LIPA: variants seen among roughly 807,000 people sequenced by gnomAD.
LIPA encodes the protein lysosomal acid lipase/cholesteryl ester hydrolase.
LIPA carries 26 observed loss-of-function variants against 40.6 expected under a neutral mutation model. The ratio of observed to expected loss-of-function variants is 0.64; its 90% CI spans 0.47 to 0.89. LIPA has a LOEUF of 0.89. Among genes scored for constraint, LIPA ranks in the 40% least tolerant of loss-of-function variants. LIPA has a pLI of 0.00. For missense variants in LIPA, 455 were observed against 479.6 expected, an observed-to-expected ratio of 0.95 and a Z score of 0.48; for synonymous variants, 188 against 168.4, an observed-to-expected ratio of 1.12 and a Z score of -0.90.
At chr10:89,316,037 C>T (rs148461134) in intron 1 of LIPA, among the ~76,000 whole-genome samples, 104 of 152,122 alleles carry the variant, frequency 6.8e-4, no homozygotes, top group African/African-American at 2.1e-3. Flanking sequence ...TTCATATAAC[C>T]GGCTCCCAGA....
chr10:89,336,703 ATGGT>A (rs1843746108), intron 1 of LIPA, among the ~76,000 whole-genome samples: 1 of 152,210 alleles, frequency 6.6e-6, no homozygotes, highest in Non-Finnish European at 1.5e-5. Flanking sequence ...GTCAGAATAG[ATGGT>A]TGGTATCTTT....
chr10:89,216,867 AT>A (rs1374394074), intron 8 of LIPA, among the ~76,000 whole-genome samples: 1 of 152,196 alleles, frequency 6.6e-6, no homozygotes, highest in East Asian at 1.9e-4. Flanking sequence ...GATGGTATTG[AT>A]TAAACACTTT....
intron 2 of LIPA, among the ~76,000 whole-genome samples, chr10:89,358,705 T>C (rs912363508): frequency 4.6e-5 from 7 of 152,174 alleles, no homozygotes; most frequent in African/African-American, 1.4e-4. Context: ...CTCAATCATA[T>C]GCGGGAACTA....
chr10:89,301,944 T>C, intron 1 of LIPA: 1 of 520,232 alleles, frequency 1.9e-6, no homozygotes, highest in East Asian at 3.1e-5. Context: ...CCAATTTCAC[T>C]TTCTAGTTTC....
rs375901105 is a variant in LIPA at position 89,304,766 on chromosome 10, G to GTTGTT, written c.-2+37840_-2+37844dup. On this transcript the variant is annotated intron_variant, in intron 1 of 5. Coordinates refer to the LIPA transcript ENST00000282673. ...TGGGTTTTTTAGGGGTTTTTTTGTTGTTGTTTTGTTTTGTTTTTTGGTTTG... is the reference window on the plus strand; with the variant it reads ...TGGGTTTTTTAGGGGTTTTTTTGTTGTTGTTTTGTTTTGTTTTGTTTTTTGGTTTG... 3.9e-3 allele frequency among the ~76,000 whole-genome samples: 588 copies of GTTGTT among 151,756 alleles called. 7 individuals are homozygous for GTTGTT. Among genetic ancestry groups the GTTGTT allele is most frequent in the African/African-American group, 0.013 (554 of 41,380 alleles).
chr10:89,247,032 T>C (rs1363432763), intron 2 of LIPA, among the ~76,000 whole-genome samples: 1 of 152,168 alleles, frequency 6.6e-6, no homozygotes, highest in Non-Finnish European at 1.5e-5. Context: ...GTTTGTTGGC[T>C]ACATATTACC....
chr10:89,213,979 A>C lies in LIPA; in HGVS notation c.*849T>G, dbSNP rs1842585525. 6.6e-6 allele frequency: 1 copy of C among 152,178 alleles called. No homozygotes were observed. Among genetic ancestry groups the C allele is most frequent in the African/African-American group, 2.4e-5 (1 of 41,438 alleles). 9.4% of individuals were successfully genotyped at this position (152,178 alleles called of 1,614,324 possible). On this transcript the variant is annotated 3_prime_UTR_variant, in exon 10 of 10. Transcript: ENST00000336233. ...CTTCACACAGATGTGATCAATAACG[A>C]CAGTAGCGGGCTCCAAGAGTACATT...
chr10:89,414,652 C>G (rs4934478), upstream of LIPA: 10 of 789,808 alleles, frequency 1.3e-5, no homozygotes, highest in Non-Finnish European at 3.7e-6. Context: ...AAAGACACGC[C>G]GCGCGGCCGA....
rs902722005 is a variant in LIPA at position 89,245,719 on chromosome 10, G to A, written c.186C>T (p.Cys62=). Residue 62 remains cysteine, a synonymous_variant, in exon 3 of 10, where the codon TGC becomes TGT. Transcript: ENST00000336233. ...TCCTCCCATGAGGAATTCGGTTAAG[G>A]CACAGAATATATCCATCTTCTGTCT... ...LVETEDGYIL[C]LNRIPHGRKN... The A allele has an allele frequency of 6.2e-6, 10 of 1,604,390 alleles. No individual in the cohort carries two copies. The highest frequency in any genetic ancestry group is 8.5e-6 in the Non-Finnish European group (10 of 1,171,220).
At chr10:89,250,155 A>G (rs919096742) in intron 1 of LIPA, among the ~76,000 whole-genome samples, 7 of 133,358 alleles carry the variant, frequency 5.2e-5, no homozygotes, top group African/African-American at 2.0e-4. Flanking sequence ...GCTGGAGTAC[A>G]GTGGCGAGAT....
At chr10:89,234,822 C>T (rs576642986) in intron 3 of LIPA, among the ~76,000 whole-genome samples, 3 of 152,352 alleles carry the variant, frequency 2.0e-5, no homozygotes, top group South Asian at 4.1e-4. Context: ...TGATAGCTAG[C>T]GCCGATTGCA....
rs954848525 is a variant in LIPA, at chr10:89,331,570, G to C, written c.-2+11041C>G. On this transcript the variant is annotated intron_variant, in intron 1 of 5. Transcript: ENST00000282673. ...ATTGCTTAATATTCTTTTGTAAAGA[G>C]GTAACATGGCTGGCCGCAGTGGCTC... Among the ~76,000 whole-genome samples, 10 of 152,270 alleles carry C rather than the reference G, an allele frequency of 6.6e-5. 1 individual carries two copies. In the South Asian group the frequency reaches 2.1e-3, roughly 32 times the overall value.
chr10:89,401,213 C>T (rs1206153036), intron 2 of LIPA, among the ~76,000 whole-genome samples: 3 of 151,618 alleles, frequency 2.0e-5, no homozygotes, highest in African/African-American at 7.3e-5. Flanking sequence ...GCCTCTCAGA[C>T]TCAAGCGATT....
At chr10:89,375,934 TC>T (rs999955968) in intron 2 of LIPA, among the ~76,000 whole-genome samples, 1 of 151,998 alleles carries the variant, frequency 6.6e-6, no homozygotes, top group Non-Finnish European at 1.5e-5. Flanking sequence ...ACACCTGTAA[TC>T]CCACACTTTA....
At chr10:89,402,593 C>G in intron 2 of LIPA, 2 of 1,614,190 alleles carry the variant, frequency 1.2e-6, no homozygotes, top group Middle Eastern at 1.6e-4. Flanking sequence ...GGATGTATTA[C>G]CACATGGGCA....
chr10:89,377,360 T>C (rs1844129182), intron 2 of LIPA, among the ~76,000 whole-genome samples: 1 of 152,232 alleles, frequency 6.6e-6, no homozygotes, highest in Non-Finnish European at 1.5e-5. Flanking sequence ...ATTGCATATG[T>C]TTCTCTACTG....
rs143252395 is a variant in LIPA, at chr10:89,326,027, G to A, written c.-2+16584C>T. Among the ~76,000 whole-genome samples the A allele has an allele frequency of 1.9e-3, 285 of 152,230 alleles. 3 individuals are homozygous for A. Among genetic ancestry groups the A allele is most frequent in the African/African-American group, 5.9e-3 (245 of 41,546 alleles). ...TTATAACTACTATGGATAACAGTTCGGAGGTTCCTCAAAAGACTAAAAATA... is the reference window on the plus strand; with the variant it reads ...TTATAACTACTATGGATAACAGTTCAGAGGTTCCTCAAAAGACTAAAAATA... On this transcript the variant is annotated intron_variant, in intron 1 of 5. Coordinates refer to the LIPA transcript ENST00000282673.
At chr10:89,306,183 A>T (rs769119429) in intron 1 of LIPA, 1 of 1,614,186 alleles carries the variant, frequency 6.2e-7, no homozygotes, top group Non-Finnish European at 8.5e-7. Context: ...TGCTTACGTA[A>T]AGCTGAAGAG....
At chr10:89,260,804 T>C (rs1843203710) in intron 1 of LIPA, among the ~76,000 whole-genome samples, 1 of 152,208 alleles carries the variant, frequency 6.6e-6, no homozygotes, top group South Asian at 2.1e-4. Context: ...TGTCCCATTC[T>C]GTTTTGTATC....
Sources: allele counts gnomAD v4.1 joint callset (sites outside exome capture counted in the v4.1 genomes callset), GRCh38; gene constraint gnomAD v4.1.1; transcripts MANE v1.5; gene names NCBI Gene and HGNC (gene_info 2026-07-23, HGNC 2026-07-21).